Variants in ZNF273 observed in about 807,000 individuals in gnomAD.
The protein encoded by ZNF273 is zinc finger protein 9.
Under a neutral mutation model 14.9 loss-of-function variants are expected in ZNF273, and 11 were observed. The observed-to-expected ratio is 0.74, with a 90% CI of 0.46 to 1.22. The LOEUF (loss-of-function observed/expected upper bound fraction) is 1.22. ZNF273 is among the 50% of genes most tolerant of loss of function. ZNF273 has a pLI of 0.00. For missense variants in ZNF273, 577 were observed against 660.6 expected, an observed-to-expected ratio of 0.87 and a Z score of 1.39; for synonymous variants, 199 against 223.9, an observed-to-expected ratio of 0.89 and a Z score of 0.99.
At chr7:64,878,437 G>C (rs1414173154) in exon 2 of ZNF273, 4 of 152,378 alleles carry the variant, frequency 2.6e-5, no homozygotes, top group Admixed American at 6.5e-5. Context: ...TTCAGGTGGG[G>C]AGGCGAGCAC....
At chr7:64,905,436 T>G (rs866472057) in intron 1 of ZNF273, among the ~76,000 whole-genome samples, 1,649 of 149,012 alleles carry the variant, frequency 0.011, 32 homozygotes, top group African/African-American at 0.039. Flanking sequence ...TTTTTTTTTT[T>G]TTTTTTGAAA....
downstream of ZNF273, among the ~76,000 whole-genome samples, chr7:64,932,150 A>T (rs574651895): frequency 6.6e-6 from 1 of 151,712 alleles, no homozygotes; most frequent in South Asian, 2.1e-4. Context: ...TAACTGTCAG[A>T]TTGTTAAGAT....
intron 1 of ZNF273, among the ~76,000 whole-genome samples, chr7:64,905,393 G>A (rs1158098925): frequency 2.0e-5 from 3 of 149,962 alleles, no homozygotes; most frequent in Non-Finnish European, 4.4e-5. Context: ...TGAGATTACA[G>A]GCGTGAGGCA....
Position 64,888,592 on chromosome 7 carries a change from G to A in ZNF273, n.293G>A, listed in dbSNP as rs1046594430. The A allele has an allele frequency of 7.1e-6, 7 of 985,784 alleles. No homozygotes were observed. In the South Asian group the frequency reaches 3.3e-4, roughly 46 times the overall value. The allele number at this position is 985,784 out of a possible 1,614,324, so 61.1% of individuals were successfully genotyped here. ...TCACAGTAGCACTTAGCACCTGCCC[G>A]CCCTCCACCTTCTCCACCACCCAGC... On this transcript the variant is annotated non_coding_transcript_exon_variant, in exon 2 of 2. Transcript: ENST00000471926.
chr7:64,881,053 A>T (rs559782496), downstream of ZNF273, among the ~76,000 whole-genome samples: 3 of 152,260 alleles, frequency 2.0e-5, no homozygotes, highest in South Asian at 6.2e-4. Context: ...CGGACAGATG[A>T]TACAGAAGGT....
At chr7:64,921,626 TTTTTTTTTTTTG>T (rs1459192509) in intron 3 of ZNF273, among the ~76,000 whole-genome samples, 4 of 85,042 alleles carry the variant, frequency 4.7e-5, no homozygotes, top group East Asian at 3.6e-4. Flanking sequence ...TTTTTTTTTT[TTTTTTTTTTTTG>T]TGTGTGAGAC....
chr7:64,910,717 T>C (rs543709597), intron 1 of ZNF273, among the ~76,000 whole-genome samples: 40 of 152,054 alleles, frequency 2.6e-4, no homozygotes, highest in Non-Finnish European at 4.7e-4. Context: ...TTTTTTTCTG[T>C]TAAGAATCTT....
chr7:64,914,842 C>T (rs1793840003), intron 1 of ZNF273, among the ~76,000 whole-genome samples: 1 of 29,610 alleles, frequency 3.4e-5, no homozygotes, highest in South Asian at 2.3e-3. Flanking sequence ...GGCACATTCT[C>T]AAGATGCAGG....
chr7:64,904,719 A>T (rs1218173858), intron 1 of ZNF273, among the ~76,000 whole-genome samples: 1 of 152,214 alleles, frequency 6.6e-6, no homozygotes, highest in Non-Finnish European at 1.5e-5. Flanking sequence ...AGCACTTTAG[A>T]AAAATTTTTT....
At chr7:64,887,792 CCTGT>C (rs1275622658) in intron 1 of ZNF273, among the ~76,000 whole-genome samples, 3 of 151,878 alleles carry the variant, frequency 2.0e-5, no homozygotes, top group African/African-American at 7.3e-5. Flanking sequence ...GCCACCGTGC[CCTGT>C]CTTTTTTTTT....
At chr7:64,887,033 C>T (rs910326928) in intron 1 of ZNF273, among the ~76,000 whole-genome samples, 3 of 152,156 alleles carry the variant, frequency 2.0e-5, no homozygotes, top group Non-Finnish European at 4.4e-5. Flanking sequence ...ACAGATGTCC[C>T]TTCACTTATT....
At chr7:64,914,729 T>C (rs1419786882) in intron 1 of ZNF273, among the ~76,000 whole-genome samples, 1 of 152,160 alleles carries the variant, frequency 6.6e-6, no homozygotes, top group Non-Finnish European at 1.5e-5. Flanking sequence ...TTTGCTGTTA[T>C]AAAGAACAGA....
At chr7:64,894,496 C>T (rs995079624), downstream of ZNF273, among the ~76,000 whole-genome samples, 1 of 151,802 alleles carries the variant, frequency 6.6e-6, no homozygotes, top group African/African-American at 2.4e-5. Context: ...ATTTATATCT[C>T]TAGTTTCTTA....
chr7:64,883,152 G>A (rs1401912823), downstream of ZNF273, among the ~76,000 whole-genome samples: 1 of 150,842 alleles, frequency 6.6e-6, no homozygotes, highest in Admixed American at 6.6e-5. Context: ...TATTTTTTCC[G>A]TGGTTCCTGA....
chr7:64,906,878 A>G (rs566885859), intron 1 of ZNF273, among the ~76,000 whole-genome samples: 1 of 152,350 alleles, frequency 6.6e-6, no homozygotes, highest in South Asian at 2.1e-4. Flanking sequence ...TGCAACAGGC[A>G]AAGTACCAAC....
At chr7:64,904,561 A>G (rs982549593) in intron 1 of ZNF273, among the ~76,000 whole-genome samples, 8 of 152,122 alleles carry the variant, frequency 5.3e-5, no homozygotes, top group Non-Finnish European at 8.8e-5. Context: ...CAATTCCTTC[A>G]GCCTAACTCT....
chr7:64,918,585 A>G (rs1305186190), intron 3 of ZNF273, among the ~76,000 whole-genome samples: 1 of 139,548 alleles, frequency 7.2e-6, no homozygotes, highest in Non-Finnish European at 1.5e-5. Context: ...CACTTGAACC[A>G]GGGAGGCGGA....
chr7:64,889,626 G>T, downstream of ZNF273: 4 of 986,100 alleles, frequency 4.1e-6, no homozygotes, highest in Non-Finnish European at 4.8e-6. The surrounding 1 kb of genome is among the most constrained non-coding windows in gnomAD (Gnocchi z 4.2). Flanking sequence ...AAGCAGCGGG[G>T]CTGCTGCTGA....
At chr7:64,935,544 A>G (rs1282348379), downstream of ZNF273, among the ~76,000 whole-genome samples, 1 of 152,038 alleles carries the variant, frequency 6.6e-6, no homozygotes, top group Non-Finnish European at 1.5e-5. Flanking sequence ...ATTTATTGAA[A>G]CAGAGTCTCA....
Sources: gnomAD v4.1 joint callset for allele counts (sites outside exome capture counted in the v4.1 genomes callset) on GRCh38, gnomAD v4.1.1 for gene constraint, Gnocchi (gnomAD v3.1) non-coding constraint, MANE v1.5 for transcripts, NCBI Gene and HGNC (gene_info 2026-07-23, HGNC 2026-07-21) for gene names.